BMS1: variants seen among roughly 807,000 people sequenced by gnomAD.
BMS1 encodes the protein ribosome biogenesis protein BMS1 homolog.
BMS1 carries 53 observed loss-of-function variants against 138.7 expected under a neutral mutation model. The ratio of observed to expected loss-of-function variants is 0.38; its 90% CI spans 0.31 to 0.48. The LOEUF (loss-of-function observed/expected upper bound fraction) is 0.48. Among genes scored for constraint, BMS1 ranks in the 20% least tolerant of loss-of-function variants. BMS1 has a pLI of 0.97. For synonymous variants in BMS1, 504 were observed against 539.9 expected (o/e 0.93, Z 0.92); for missense variants, 1,360 against 1,565.5 (o/e 0.87, Z 2.22).
At chr10:42,815,621 A>G (rs1469528254) in intron 13 of BMS1, among the ~76,000 whole-genome samples, 1 of 152,052 alleles carries the variant, frequency 6.6e-6, no homozygotes, top group African/African-American at 2.4e-5. Flanking sequence ...GAGTTCAGTG[A>G]TGCAATTATG....
rs183480998 is a variant in BMS1, at chr10:42,813,879, C to T, written c.2330-2720C>T. Among the ~76,000 whole-genome samples the T allele has an allele frequency of 2.7e-3, 406 of 152,228 alleles. 3 individuals are homozygous for T. Among genetic ancestry groups the T allele is most frequent in the African/African-American group, 8.9e-3 (370 of 41,552 alleles). ...TCTCTTCATTTCTGAAGGGTAGTTTCATGGGATATAGAATTTGCAACCAAC... is the reference window on the plus strand; with the variant it reads ...TCTCTTCATTTCTGAAGGGTAGTTTTATGGGATATAGAATTTGCAACCAAC... On this transcript the variant is annotated intron_variant, in intron 13 of 22. Coordinates refer to ENST00000374518, the MANE Select transcript of BMS1 (RefSeq NM_014753.4).
intron 15 of BMS1, among the ~76,000 whole-genome samples, chr10:42,819,689 C>T (rs1842446466): frequency 6.6e-6 from 1 of 152,186 alleles, no homozygotes; most frequent in Non-Finnish European, 1.5e-5. Flanking sequence ...GCATGCAGGG[C>T]TCCACAGTTA....
chr10:42,822,087 G>T lies in BMS1; in HGVS notation c.3035G>T (p.Gly1012Val), dbSNP rs1227869906. 6.3e-7 allele frequency: 1 copy of T among 1,593,172 alleles called. No homozygotes were observed. Among genetic ancestry groups the T allele is most frequent in the East Asian group, 2.2e-5 (1 of 44,822 alleles). Residue 1012 changes from glycine (G) to valine (V), a missense_variant, in exon 19 of 23, where the codon GGA becomes GTA. By Grantham distance (109) the Gly-to-Val change is moderately radical (BLOSUM62 -3). Coordinates refer to ENST00000374518, the MANE Select transcript of BMS1 (RefSeq NM_014753.4). ...IMPDFRIAAT[G>V]VVLDLDKSIK... ...CCTGATTTTCGGATAGCTGCTACAG[G>T]AGTTGTCCTTGATCTGGATAAATCC...
chr10:42,791,847 G>A lies in BMS1; in HGVS notation c.779+78G>A. 23 of 1,497,470 alleles carry A rather than the reference G, an allele frequency of 1.5e-5. No individual in the cohort carries two copies. The South Asian group carries it at 2.1e-4, about 14-fold the overall frequency. 92.8% of individuals were successfully genotyped at this position (1,497,470 alleles called of 1,614,324 possible). On this transcript the variant is annotated intron_variant, in intron 6 of 22. Transcript: ENST00000374518. ...AAAGGCTAGAAAAAGAACAGTGATAGGATTTATTTTGTGCCGATTTGAATA... is the reference window on the plus strand; with the variant it reads ...AAAGGCTAGAAAAAGAACAGTGATAAGATTTATTTTGTGCCGATTTGAATA...
chr10:42,811,726 G>A (rs994783430), intron 13 of BMS1, among the ~76,000 whole-genome samples: 27 of 150,468 alleles, frequency 1.8e-4, no homozygotes, highest in African/African-American at 2.4e-4. Flanking sequence ...GGGTTTCACC[G>A]TTTTAGCCGG....
intron 21 of BMS1, among the ~76,000 whole-genome samples, chr10:42,826,705 G>A (rs1467885483): frequency 6.6e-6 from 1 of 152,214 alleles, no homozygotes; most frequent in African/African-American, 2.4e-5. Context: ...CTGGGACGTG[G>A]GGGTGCCATG....
rs148098784 is a variant in BMS1 at position 42,795,528 on chromosome 10, C to T, written c.1230-946C>T. Among the ~76,000 whole-genome samples, 875 of 151,526 alleles carry T rather than the reference C, an allele frequency of 5.8e-3. 12 individuals are homozygous for T. Among genetic ancestry groups the T allele is most frequent in the African/African-American group, 0.02 (807 of 41,280 alleles). ...TAGAGATTAGGTCTCACCATGTTGC[C>T]CAGGCTGGTCTCAAACTCCTGGGCT... is the stretch of plus-strand genomic sequence containing the variant. On this transcript the variant is annotated intron_variant, in intron 9 of 22. Coordinates refer to ENST00000374518, the MANE Select transcript of BMS1 (RefSeq NM_014753.4).
chr10:42,815,028 T>C (rs186914233), intron 13 of BMS1, among the ~76,000 whole-genome samples: 183 of 152,318 alleles, frequency 1.2e-3, no homozygotes, highest in Middle Eastern at 3.4e-3. Context: ...GCAGCCTTTT[T>C]CTTTCCACCT....
chr10:42,792,676 C>T (rs1841545809), intron 7 of BMS1, 62 bp downstream of exon 7: 3 of 1,553,544 alleles, frequency 1.9e-6, no homozygotes, highest in Non-Finnish European at 2.6e-6. Context: ...GGCTTCATTT[C>T]TCAGGAAAAC....
In BMS1 at chr10:42,798,492, A is replaced by T. The variant is rs779821090; in HGVS notation, c.2114A>T (p.Asp705Val). ...GTGACAGAAGATAATGAAGAAGAAG[A>T]TGATGATACTCTAGAAGAGCTTGGA... Reference protein sequence around the residue: ...GTVTEDNEEEDDDTLEELGGL... With the variant: ...GTVTEDNEEEVDDTLEELGGL... The change falls in exon 12 of 23, where the codon GAT (aspartate) becomes GTT (valine). Residue 705 changes from aspartate (D) to valine (V), a missense_variant. By Grantham distance (152) the Asp-to-Val change is radical (BLOSUM62 -3). This residue lies in a region of BMS1 where 697 missense variants were observed against 686.2 expected (regional missense o/e 1.02). Coordinates refer to ENST00000374518, the MANE Select transcript of BMS1 (RefSeq NM_014753.4). 1 of 1,614,244 alleles carries T rather than the reference A, an allele frequency of 6.2e-7. No homozygotes were observed. The highest frequency in any genetic ancestry group is 1.1e-5 in the South Asian group (1 of 91,086).
chr10:42,808,848 A>T (rs77408215), intron 13 of BMS1, among the ~76,000 whole-genome samples: 1 of 152,064 alleles, frequency 6.6e-6, no homozygotes, highest in African/African-American at 2.4e-5. Context: ...CTTGTGTTCT[A>T]TTGACTTCAC....
At chr10:42,807,465 GTTTGT>G (rs887013423) in intron 13 of BMS1, among the ~76,000 whole-genome samples, 3 of 152,028 alleles carry the variant, frequency 2.0e-5, no homozygotes, top group Admixed American at 6.6e-5. Context: ...GTTGTTTACA[GTTTGT>G]TTTGTTTTGT....
chr10:42,822,487 T>A (rs1842529465), intron 19 of BMS1, among the ~76,000 whole-genome samples: 1 of 152,226 alleles, frequency 6.6e-6, no homozygotes, highest in African/African-American at 2.4e-5. Context: ...TTTTGTTTCC[T>A]ACTTTTTTTA....
chr10:42,790,304 T>C lies in BMS1; in HGVS notation c.448-19T>C, dbSNP rs200957220. 118 of 1,612,110 alleles carry C rather than the reference T, an allele frequency of 7.3e-5. 2 individuals are homozygous for C. In the South Asian group the frequency reaches 1.3e-3, roughly 17 times the overall value. On this transcript the variant is annotated intron_variant, in intron 4 of 22. Transcript: ENST00000374518. ...CTGTTTTGGTAGTTTCTTTGAGAAATTATGTGTTCTGCTTTTAGGTACTGA... is the reference window on the plus strand; with the variant it reads ...CTGTTTTGGTAGTTTCTTTGAGAAACTATGTGTTCTGCTTTTAGGTACTGA...
intron 3 of BMS1, 94 bp downstream of exon 3, chr10:42,785,766 A>C: frequency 7.4e-7 from 1 of 1,351,808 alleles, no homozygotes. Context: ...GAACATGTTA[A>C]ATATTGTCAT....
intron 12 of BMS1, 150 bp downstream of exon 12, chr10:42,798,775 A>C: frequency 9.1e-7 from 1 of 1,094,786 alleles, no homozygotes; most frequent in Non-Finnish European, 1.3e-6. Context: ...TGGGCGCTTC[A>C]TGCATCCTAA....
chr10:42,804,220 C>T (rs773940863), intron 13 of BMS1, among the ~76,000 whole-genome samples: 38 of 152,130 alleles, frequency 2.5e-4, no homozygotes, highest in Non-Finnish European at 4.0e-4. Flanking sequence ...TGTGAACCAC[C>T]GCTTTTATTT....
chr10:42,827,907 T>TC (rs61084834), intron 21 of BMS1, among the ~76,000 whole-genome samples: 1 of 152,228 alleles, frequency 6.6e-6, no homozygotes, highest in Non-Finnish European at 1.5e-5. Flanking sequence ...ACTATTTTTT[T>TC]CCCCACCATA....
At chr10:42,824,887 A>C (rs1588758793) in intron 21 of BMS1, among the ~76,000 whole-genome samples, 1 of 152,176 alleles carries the variant, frequency 6.6e-6, no homozygotes. Flanking sequence ...TTTGATTACT[A>C]TAGCTTTGTA....
Sources: allele counts gnomAD v4.1 joint callset (sites outside exome capture counted in the v4.1 genomes callset), GRCh38; gene constraint gnomAD v4.1.1; regional missense constraint gnomAD v4.1.1; transcripts MANE v1.5; gene names NCBI Gene and HGNC (gene_info 2026-07-23, HGNC 2026-07-21).